Variants in CECR2 observed in about 807,000 individuals in gnomAD.
The protein encoded by CECR2 is CECR2 histone acetyl-lysine reader.
A neutral mutation model predicts 154.5 loss-of-function variants in CECR2; 30 were observed. That is an observed-to-expected ratio of 0.19 (90% CI 0.15 to 0.26). The LOEUF (loss-of-function observed/expected upper bound fraction) is 0.26. Ranked by LOEUF, CECR2 falls within the 10% of genes least tolerant of loss-of-function variation. The pLI is 1.00. For synonymous variants in CECR2, 725 were observed against 683.7 expected, an observed-to-expected ratio of 1.06 and a Z score of -0.94; for missense variants, 1,743 against 1,829.3, an observed-to-expected ratio of 0.95 and a Z score of 0.86.
chr22:17,505,836 T>TTTG (rs2055833730), intron 7 of CECR2, among the ~76,000 whole-genome samples: 1 of 66,206 alleles, frequency 1.5e-5, no homozygotes, highest in Non-Finnish European at 2.9e-5. Context: ...TGCACCCGGC[T>TTTG]TTTTTTTTTT....
chr22:17,518,618 C>A, intron 8 of CECR2: 1 of 413,888 alleles, frequency 2.4e-6, no homozygotes, highest in East Asian at 7.5e-5. Flanking sequence ...GATGGTTTCC[C>A]CATGGGCTTG....
At chr22:17,388,004 G>T (rs1467473947) in intron 1 of CECR2, among the ~76,000 whole-genome samples, 1 of 152,014 alleles carries the variant, frequency 6.6e-6, no homozygotes, top group Non-Finnish European at 1.5e-5. Context: ...GCCCAGGCTG[G>T]AGTGCAGTGG....
chr22:17,461,774 A>T (rs2054941306), intron 1 of CECR2, among the ~76,000 whole-genome samples: 2 of 150,698 alleles, frequency 1.3e-5, no homozygotes, highest in Admixed American at 1.3e-4. Flanking sequence ...ATGAGTCAAG[A>T]CTGGGAAGTA....
intron 1 of CECR2, among the ~76,000 whole-genome samples, chr22:17,461,809 T>C (rs1421732116): frequency 1.3e-5 from 2 of 150,830 alleles, no homozygotes; most frequent in East Asian, 3.9e-4. Context: ...TTTTTTTTTT[T>C]TGAAATGGAG....
intron 1 of CECR2, among the ~76,000 whole-genome samples, chr22:17,361,963 T>C (rs749502515): frequency 2.6e-5 from 4 of 151,768 alleles, no homozygotes; most frequent in Admixed American, 1.3e-4. Context: ...AAGGGGTGAG[T>C]TGGGAGACAC....
chr22:17,363,309 A>T (rs1184248726), intron 1 of CECR2, among the ~76,000 whole-genome samples: 1 of 151,868 alleles, frequency 6.6e-6, no homozygotes, highest in East Asian at 1.9e-4. Flanking sequence ...CCTGGGTTCA[A>T]GCAATTCTGC....
intron 1 of CECR2, among the ~76,000 whole-genome samples, chr22:17,465,854 A>G (rs1270104970): frequency 6.6e-6 from 1 of 151,950 alleles, no homozygotes; most frequent in Admixed American, 6.6e-5. Flanking sequence ...CCTGTCCTCA[A>G]GCAATCCACC....
At chr22:17,422,092 G>A (rs1204196597) in intron 1 of CECR2, among the ~76,000 whole-genome samples, 1 of 151,826 alleles carries the variant, frequency 6.6e-6, no homozygotes, top group Non-Finnish European at 1.5e-5. Flanking sequence ...CTATAGAGAA[G>A]GTGTTTTTTT....
chr22:17,552,774 G>GTTTTTTGTTTTT, intron 18 of CECR2, 61 bp from the exon 19 acceptor site: 4 of 933,468 alleles, frequency 4.3e-6, no homozygotes, highest in Non-Finnish European at 3.0e-6. Context: ...GCTTACTTAA[G>GTTTTTTGTTTTT]TTTTTTTTTT....
At chr22:17,520,437 A>G (rs1419110878) in intron 8 of CECR2, among the ~76,000 whole-genome samples, 8 of 151,936 alleles carry the variant, frequency 5.3e-5, no homozygotes, top group Non-Finnish European at 7.4e-5. Flanking sequence ...AATTATTATT[A>G]TACTTTAAGT....
chr22:17,472,635 G>A (rs2055146264), intron 1 of CECR2, among the ~76,000 whole-genome samples: 1 of 152,180 alleles, frequency 6.6e-6, no homozygotes, highest in Admixed American at 6.5e-5. Flanking sequence ...CCGAATGGCA[G>A]TAGTACAGAT....
At chr22:17,388,412 A>G (rs989283034) in intron 1 of CECR2, among the ~76,000 whole-genome samples, 26 of 152,346 alleles carry the variant, frequency 1.7e-4, no homozygotes, top group South Asian at 4.1e-4. Context: ...TGTAGGAAAC[A>G]GGCTCAGAGT....
intron 5 of CECR2, among the ~76,000 whole-genome samples, chr22:17,502,345 C>T (rs2146888014): frequency 6.6e-6 from 1 of 152,304 alleles, no homozygotes; most frequent in South Asian, 2.1e-4. Context: ...TTCAGTGCGG[C>T]CCTGAATCAG....
At chr22:17,377,493 G>C (rs933305797) in intron 1 of CECR2, among the ~76,000 whole-genome samples, 1 of 151,506 alleles carries the variant, frequency 6.6e-6, no homozygotes, top group African/African-American at 2.4e-5. Flanking sequence ...GAACCCCTGA[G>C]CTCAAGTGAT....
intron 1 of CECR2, among the ~76,000 whole-genome samples, chr22:17,418,110 A>T (rs758213677): frequency 2.0e-4 from 30 of 152,158 alleles, no homozygotes; most frequent in Non-Finnish European, 3.5e-4. Context: ...CCCCCAAAAA[A>T]TATAAATCAT....
At chr22:17,377,626 C>T (rs768317003) in intron 1 of CECR2, among the ~76,000 whole-genome samples, 4 of 152,122 alleles carry the variant, frequency 2.6e-5, no homozygotes, top group Admixed American at 2.0e-4. Context: ...GAATAAGATC[C>T]ACTTACAGCT....
chr22:17,378,541 C>T (rs551050570), intron 1 of CECR2, among the ~76,000 whole-genome samples: 1 of 152,332 alleles, frequency 6.6e-6, no homozygotes, highest in Non-Finnish European at 1.5e-5. Flanking sequence ...CCTCCTCGGC[C>T]TCCCAAAGTG....
At chr22:17,498,469 T>C (rs2055673856) in intron 3 of CECR2, among the ~76,000 whole-genome samples, 1 of 152,172 alleles carries the variant, frequency 6.6e-6, no homozygotes, top group Non-Finnish European at 1.5e-5. Context: ...TTTCTAATCC[T>C]GTTCCATCAT....
At position 17,390,486 on chromosome 22, in the gene CECR2, A is replaced by G. The variant is rs1273848118; in HGVS notation, c.126+20577A>G. Among the ~76,000 whole-genome samples, 3 of 152,204 alleles carry G rather than the reference A, an allele frequency of 2.0e-5. No homozygotes were observed. The East Asian group carries it at 5.8e-4, about 29-fold the overall frequency. On this transcript the variant is annotated intron_variant, in intron 1 of 18. Transcript: ENST00000262608. ...GTACGTTGTGGGGAGATACTTTGCA[A>G]ACATCCTGTTTCTTCTCCAAATTAA...
Sources: gnomAD v4.1 joint callset for allele counts (sites outside exome capture counted in the v4.1 genomes callset) on GRCh38, gnomAD v4.1.1 for gene constraint, MANE v1.5 for transcripts, NCBI Gene and HGNC (gene_info 2026-07-23, HGNC 2026-07-21) for gene names.